Variants in CLEC7A observed in about 807,000 individuals in gnomAD.
CLEC7A encodes the protein C-type lectin domain containing 7A.
Under a neutral mutation model 26.9 loss-of-function variants are expected in CLEC7A, and 25 were observed. That is an observed-to-expected ratio of 0.93 (90% confidence interval 0.68 to 1.30). The LOEUF (loss-of-function observed/expected upper bound fraction) is 1.30. Among genes scored for constraint, CLEC7A ranks in the 50% most tolerant of loss-of-function variants. The pLI is 0.00. For synonymous variants in CLEC7A, 100 were observed against 99.5 expected, an observed-to-expected ratio of 1.01 and a Z score of -0.03; for missense variants, 275 against 286.7, an observed-to-expected ratio of 0.96 and a Z score of 0.29.
intron 5 of CLEC7A, among the ~76,000 whole-genome samples, chr12:10,118,877 A>G (rs1254277433): frequency 5.3e-5 from 8 of 152,328 alleles, no homozygotes; most frequent in Non-Finnish European, 7.4e-5. Flanking sequence ...AATATTCTAT[A>G]AAAAGTTCTT....
At chr12:10,125,898 C>A (rs1226417943) in intron 3 of CLEC7A, among the ~76,000 whole-genome samples, 1 of 152,128 alleles carries the variant, frequency 6.6e-6, no homozygotes, top group Non-Finnish European at 1.5e-5. Context: ...TATACACTAT[C>A]TCTGTTATAT....
chr12:10,123,322 T>C lies in CLEC7A; in HGVS notation c.534A>G (p.Ser178=), dbSNP rs1948157353. 1 of 1,613,080 alleles carries C rather than the reference T, an allele frequency of 6.2e-7. No individual in the cohort carries two copies. The highest frequency in any genetic ancestry group is 1.3e-5 in the African/African-American group (1 of 74,840). The part of the protein sequence containing the change: ...VKQVSSQPDN[S]FWIGLSRPQT... ...GGGGCCGAGAAAGGCCTATCCAAAA[T>C]GAATTATCAGGTTGGGAAGACACTT... Residue 178 remains serine (S), a synonymous_variant, in exon 5 of 6, where the codon TCA becomes TCG. Coordinates refer to ENST00000304084, the MANE Select transcript of CLEC7A (RefSeq NM_197947.3).
chr12:10,125,134 C>A (rs11053615), intron 4 of CLEC7A, 163 bp downstream of exon 4: 71,863 of 710,638 alleles, frequency 0.1, 4,836 homozygotes, highest in African/African-American at 0.26. Context: ...TGGGATGTCG[C>A]GGCTTCACTG....
chr12:10,127,097 A>G, intron 2 of CLEC7A: 1 of 1,331,048 alleles, frequency 7.5e-7, no homozygotes, highest in Non-Finnish European at 1.0e-6. Context: ...TACCTATAAC[A>G]TAGAACGCAC....
chr12:10,125,588 G>C (rs1380513322), intron 3 of CLEC7A, 140 bp from the exon 4 acceptor site: 1 of 620,708 alleles, frequency 1.6e-6, no homozygotes, highest in African/African-American at 1.9e-5. Context: ...TCGAACTACA[G>C]GGATATGATT....
chr12:10,126,073 A>G, intron 3 of CLEC7A: 1 of 547,882 alleles, frequency 1.8e-6, no homozygotes, highest in Non-Finnish European at 2.3e-6. Context: ...AACAAATTTG[A>G]TGAGTTTTCA....
intron 5 of CLEC7A, among the ~76,000 whole-genome samples, chr12:10,122,960 C>T (rs1948142889): frequency 6.6e-6 from 1 of 152,116 alleles, no homozygotes; most frequent in Non-Finnish European, 1.5e-5. Context: ...AGTGACTGCT[C>T]CTTGCCTGGA....
At chr12:10,123,416 G>T in intron 4 of CLEC7A, 53 bp from the exon 5 acceptor site, 1 of 1,014,360 alleles carries the variant, frequency 9.9e-7, no homozygotes, top group Non-Finnish European at 1.5e-6. Context: ...GAGAGAGAAA[G>T]AAACTATTAT....
chr12:10,120,572 C>A (rs1355802589), intron 5 of CLEC7A, among the ~76,000 whole-genome samples: 2 of 151,060 alleles, frequency 1.3e-5, no homozygotes, highest in Non-Finnish European at 2.9e-5. Context: ...TGTGCGCCAC[C>A]TTGTCTGTCT....
rs1948151522 is a variant in CLEC7A, at chr12:10,123,179, T to C, written c.611+66A>G. 4 of 1,028,624 alleles carry C rather than the reference T, an allele frequency of 3.9e-6. No individual in the cohort carries two copies. The East Asian group carries it at 9.8e-5, about 25-fold the overall frequency. 63.7% of individuals were successfully genotyped at this position (1,028,624 alleles called of 1,614,324 possible). A position where few individuals can be genotyped will look rare whatever the true frequency, so the allele number is the denominator to read the frequency against. ...CAGGTTCTTAGCTGCTCGACAGAGG[T>C]TTTCATAGATGAGATGGAAACCTCT... On this transcript the variant is annotated intron_variant, in intron 5 of 5. Transcript: ENST00000304084.
intron 4 of CLEC7A, among the ~76,000 whole-genome samples, chr12:10,124,502 G>A (rs1179417134): frequency 1.3e-5 from 2 of 152,168 alleles, no homozygotes; most frequent in Admixed American, 6.5e-5. Flanking sequence ...GCTAATGCCA[G>A]ATATTTAACT....
chr12:10,127,405 A>G (rs777130387), intron 2 of CLEC7A: 10 of 1,613,770 alleles, frequency 6.2e-6, no homozygotes, highest in Non-Finnish European at 6.8e-6. Context: ...TGTTTTCTTC[A>G]TTAATTTATC....
intron 5 of CLEC7A, among the ~76,000 whole-genome samples, chr12:10,120,264 A>G (rs1267554159): frequency 6.6e-6 from 1 of 152,236 alleles, no homozygotes; most frequent in Non-Finnish European, 1.5e-5. Flanking sequence ...GGGAAAAGCA[A>G]AATATGAAGC....
intron 3 of CLEC7A, among the ~76,000 whole-genome samples, chr12:10,125,711 A>G (rs150987967): frequency 1.7e-3 from 265 of 152,260 alleles, no homozygotes; most frequent in African/African-American, 6.2e-3. Context: ...CTTGTCTTCT[A>G]TTCCTTCTAA....
rs1255198388 is a variant in CLEC7A, at chr12:10,123,266, C to T, written c.590G>A (p.Gly197Glu). 2 of 1,606,086 alleles carry T rather than the reference C, an allele frequency of 1.2e-6. No individual in the cohort carries two copies. The highest frequency in any genetic ancestry group is 2.2e-5 in the East Asian group (1 of 44,856). Reference sequence around the variant, plus strand: ...TTACAAGTTAGAAGAGAATGTTGATCCATCCTCCCAGAGCCATGGTACCTC... The same window carrying T: ...TTACAAGTTAGAAGAGAATGTTGATTCATCCTCCCAGAGCCATGGTACCTC... Reference protein sequence around the residue: ...QTEVPWLWEDGSTFSSNLFQI... With the variant: ...QTEVPWLWEDESTFSSNLFQI... The change falls in exon 5 of 6, where the codon GGA becomes GAA. Residue 197 changes from glycine (G) to glutamate (E), a missense_variant. Physicochemically the swap from Gly to Glu is moderately conservative, Grantham distance 98 (BLOSUM62 -2). Coordinates refer to ENST00000304084, the MANE Select transcript of CLEC7A (RefSeq NM_197947.3).
chr12:10,118,456 T>C lies in CLEC7A; in HGVS notation c.*2A>G, dbSNP rs7959451. On this transcript the variant is annotated 3_prime_UTR_variant, in exon 6 of 6. Coordinates refer to ENST00000304084, the MANE Select transcript of CLEC7A (RefSeq NM_197947.3). ...TTTCTCTCTCCTTCTCCACCCTTCC[T>C]CTTACATTGAAAACTTCTTCTCACA... The C allele has an allele frequency of 0.81, 1,298,584 of 1,604,602 alleles. 539,190 individuals carry two copies. The highest frequency in any genetic ancestry group is 0.88 in the African/African-American group (65,432 of 74,766).
In CLEC7A at chr12:10,130,111, G is replaced by T; in HGVS notation, c.-29C>A. The T allele has an allele frequency of 9.4e-7, 1 of 1,067,394 alleles. No individual in the cohort carries two copies. Among genetic ancestry groups the T allele is most frequent in the Non-Finnish European group, 1.4e-6 (1 of 693,720 alleles). 66.1% of individuals were successfully genotyped at this position (1,067,394 alleles called of 1,614,324 possible). A position where few individuals can be genotyped will look rare whatever the true frequency, so the allele number is the denominator to read the frequency against. ...TCTTGAGAGCCCCTGAATAGATATA[G>T]CATTTGGGAGCTCTTTTCTTTCTGC... is the stretch of plus-strand genomic sequence containing the variant. On this transcript the variant is annotated 5_prime_UTR_variant, in exon 1 of 6. Coordinates refer to ENST00000304084, the MANE Select transcript of CLEC7A (RefSeq NM_197947.3).
At chr12:10,128,692 T>A (rs1243736063) in intron 1 of CLEC7A, among the ~76,000 whole-genome samples, 2 of 152,198 alleles carry the variant, frequency 1.3e-5, no homozygotes, top group African/African-American at 4.8e-5. Flanking sequence ...GTTTAGAGAC[T>A]GCTAGCACAT....
At chr12:10,123,552 G>C (rs1236848259) in intron 4 of CLEC7A, among the ~76,000 whole-genome samples, 189 bp from the exon 5 acceptor site, 1 of 151,034 alleles carries the variant, frequency 6.6e-6, no homozygotes, top group Non-Finnish European at 1.5e-5. Context: ...ATGAGGTCAG[G>C]AGATCGAGAC....
Sources: gnomAD v4.1 joint callset for allele counts (sites outside exome capture counted in the v4.1 genomes callset) on GRCh38, gnomAD v4.1.1 for gene constraint, MANE v1.5 for transcripts, NCBI Gene and HGNC (gene_info 2026-07-23, HGNC 2026-07-21) for gene names.